Variants in RASGRP2 observed in about 807,000 individuals in gnomAD.
The protein encoded by RASGRP2 is RAS guanyl-releasing protein 2.
RASGRP2 carries 44 observed loss-of-function variants against 71.0 expected under a neutral mutation model. The ratio of observed to expected loss-of-function variants is 0.62; its 90% CI spans 0.49 to 0.80. RASGRP2 has a LOEUF of 0.80. Among genes scored for constraint, RASGRP2 ranks in the 30% least tolerant of loss-of-function variants. The pLI, the probability that RASGRP2 is intolerant of heterozygous loss-of-function variation, is 0.00. For synonymous variants in RASGRP2, 350 were observed against 330.7 expected (o/e 1.06, Z -0.63); for missense variants, 663 against 813.4 (o/e 0.82, Z 2.25).
chr11:64,736,725 C>G, intron 9 of RASGRP2, 28 bp downstream of exon 9: 1 of 1,557,418 alleles, frequency 6.4e-7, no homozygotes, highest in Non-Finnish European at 8.7e-7. Context: ...GTGCCCAGCT[C>G]CCCACCTCCC....
At chr11:64,732,477 G>A (rs1012764478) in intron 12 of RASGRP2, among the ~76,000 whole-genome samples, 3 of 151,614 alleles carry the variant, frequency 2.0e-5, no homozygotes, top group Admixed American at 1.3e-4. Flanking sequence ...TGCGCAACAT[G>A]GTGAAACCCC....
rs749149243 is a variant in RASGRP2, at chr11:64,739,518, T to G, written c.697-42A>C. ...GACGGAGAGGCAGGGAGTCACTGAGTGGGCCCAGAATTTGGCCCAGCTTAT... is the reference window on the plus strand; with the variant it reads ...GACGGAGAGGCAGGGAGTCACTGAGGGGGCCCAGAATTTGGCCCAGCTTAT... On this transcript the variant is annotated intron_variant, in intron 7 of 16. Coordinates refer to ENST00000394432, the MANE Select transcript of RASGRP2 (RefSeq NM_001098671.2). The surrounding 1 kb of genome is among the most constrained non-coding windows in gnomAD (Gnocchi z 4.2). 6.2e-7 allele frequency: 1 copy of G among 1,610,084 alleles called. No individual in the cohort carries two copies. The highest frequency in any genetic ancestry group is 8.5e-7 in the Non-Finnish European group (1 of 1,176,532).
chr11:64,727,469 C>T, intron 15 of RASGRP2, 109 bp from the exon 16 acceptor site: 2 of 959,338 alleles, frequency 2.1e-6, no homozygotes, highest in Non-Finnish European at 3.3e-6. Flanking sequence ...CAGACCCACC[C>T]ACCAAAAATC....
At position 64,742,110 on chromosome 11, in the gene RASGRP2, C is replaced by T; in HGVS notation, c.76G>A (p.Asp26Asn). 1.3e-6 allele frequency: 2 copies of T among 1,587,156 alleles called. No individual in the cohort carries two copies. Among genetic ancestry groups the T allele is most frequent in the Non-Finnish European group, 1.7e-6 (2 of 1,166,936 alleles). Reference sequence around the variant, plus strand: ...TGCGGGTCCCGCACCTTCCCGGAGTCATCTGACTCCGAAGGGTCAAAGACA... The same window carrying T: ...TGCGGGTCCCGCACCTTCCCGGAGTTATCTGACTCCGAAGGGTCAAAGACA... Reference protein sequence around the residue: ...LLRGCIEAFDDSGKVRDPQLV... With the variant: ...LLRGCIEAFDNSGKVRDPQLV... The change falls in exon 3 of 17, where the codon GAC becomes AAC. Residue 26 changes from aspartate (D) to asparagine (N), a missense_variant and splice_region_variant. Coordinates refer to ENST00000394432, the MANE Select transcript of RASGRP2 (RefSeq NM_001098671.2). This position sits in a 1 kb window ranked among gnomAD's most constrained non-coding sequence, Gnocchi z 4.7.
rs10897524 is a variant in RASGRP2, at chr11:64,735,891, G to A, written c.1173+12C>T. 196,659 of 1,609,534 alleles carry A rather than the reference G, an allele frequency of 0.12. 16,111 individuals carry two copies. Among genetic ancestry groups the A allele is most frequent in the East Asian group, 0.41 (18,261 of 44,794 alleles). ...GGAAGGGCAGAGTGGAGAGGAGGGA[G>A]TACCCCCTCACCGAGGACTTGGAGC... On this transcript the variant is annotated intron_variant, in intron 10 of 16. Coordinates refer to ENST00000394432, the MANE Select transcript of RASGRP2 (RefSeq NM_001098671.2). The surrounding 1 kb of genome is among the most constrained non-coding windows in gnomAD (Gnocchi z 4.2).
chr11:64,736,226 C>T (rs1462938423), intron 9 of RASGRP2, among the ~76,000 whole-genome samples: 3 of 152,174 alleles, frequency 2.0e-5, no homozygotes, highest in African/African-American at 4.8e-5. Flanking sequence ...GAAGCCAGGT[C>T]GGAACCCAGC....
At chr11:64,744,420 C>A (rs2058241036), upstream of RASGRP2, 1 of 540,302 alleles carries the variant, frequency 1.9e-6, no homozygotes, top group East Asian at 1.5e-4. Flanking sequence ...CCCCGCCTGG[C>A]TCTACCGCTT....
chr11:64,735,401 C>A lies in RASGRP2; in HGVS notation c.1296+141G>T. On this transcript the variant is annotated intron_variant, in intron 11 of 16. Transcript: ENST00000394432. This position sits in a 1 kb window ranked among gnomAD's most constrained non-coding sequence, Gnocchi z 4.2. ...ACCCTACCCAGGGGCACTTCAGCCCCGTGCAGCTGGCCTGCCAGGCCCTGT... is the reference window on the plus strand; with the variant it reads ...ACCCTACCCAGGGGCACTTCAGCCCAGTGCAGCTGGCCTGCCAGGCCCTGT... 1 of 1,500,440 alleles carries A rather than the reference C, an allele frequency of 6.7e-7. No individual in the cohort carries two copies. Among genetic ancestry groups the A allele is most frequent in the Non-Finnish European group, 9.2e-7 (1 of 1,085,984 alleles). The allele number at this position is 1,500,440 out of a possible 1,614,324, so 92.9% of individuals were successfully genotyped here.
rs2073797 is a variant in RASGRP2, at chr11:64,743,578, G to C, written c.-72+425C>G. On this transcript the variant is annotated intron_variant, in intron 1 of 16. Coordinates refer to ENST00000394432, the MANE Select transcript of RASGRP2 (RefSeq NM_001098671.2). This position sits in a 1 kb window ranked among gnomAD's most constrained non-coding sequence, Gnocchi z 4.9. ...GCCAGGAGGCGTCAGCGGGAAGCCT[G>C]AGCCTGGGAACTGAGCGCTCCCAGG... is the stretch of plus-strand genomic sequence containing the variant. 289,733 of 349,834 alleles carry C rather than the reference G, an allele frequency of 0.83. 123,300 individuals carry two copies. The highest frequency in any genetic ancestry group is 0.91 in the Middle Eastern group (2,340 of 2,560). 21.7% of individuals were successfully genotyped at this position (349,834 alleles called of 1,614,324 possible).
upstream of RASGRP2, chr11:64,744,257 C>T (rs940993508): frequency 7.3e-5 from 72 of 985,718 alleles, no homozygotes; most frequent in Non-Finnish European, 8.0e-5. Context: ...GGCCCCAGCT[C>T]CCTGACTCCC....
At chr11:64,730,009 G>C in intron 13 of RASGRP2, 44 bp downstream of exon 13, 1 of 1,541,150 alleles carries the variant, frequency 6.5e-7, no homozygotes, top group Non-Finnish European at 8.8e-7. Context: ...GGCCGGGGCT[G>C]GAGGGGCGTG....
rs202192382 is a variant in RASGRP2, at chr11:64,728,916, C to A, written c.1718G>T (p.Arg573Leu). Reference protein sequence around the residue: ...SPSPMHSHHHRAFSFSLPRPG... With the variant: ...SPSPMHSHHHLAFSFSLPRPG... Reference sequence around the variant, plus strand: ...GCGGGGCAGAGAGAAGCTGAAGGCGCGGTGATGGTGGCTGTGCATGGGTGA... The same window carrying A: ...GCGGGGCAGAGAGAAGCTGAAGGCGAGGTGATGGTGGCTGTGCATGGGTGA... Residue 573 changes from arginine (R) to leucine (L), a missense_variant, in exon 15 of 17, where the codon CGC (arginine) becomes CTC (leucine). By Grantham distance (102) the Arg-to-Leu change is moderately radical (BLOSUM62 -2). Coordinates refer to ENST00000394432, the MANE Select transcript of RASGRP2 (RefSeq NM_001098671.2). 624 of 1,613,184 alleles carry A rather than the reference C, an allele frequency of 3.9e-4. 2 individuals are homozygous for A. The highest frequency in any genetic ancestry group is 1.8e-4 in the Non-Finnish European group (209 of 1,179,978).
chr11:64,740,320 C>T, intron 5 of RASGRP2, 157 bp from the exon 6 acceptor site: 5 of 854,672 alleles, frequency 5.9e-6, no homozygotes, highest in Non-Finnish European at 9.8e-6. Context: ...TCCTCCTCAT[C>T]TCCCCCGACC....
In RASGRP2 at chr11:64,735,720, C is replaced by CG; in HGVS notation, c.1174-57dup. ...CAGAGGCAGGGGAAGCCCAGAGCCC[C>CG]GGGGAACAGAGAGGGGAATCCCTGG... On this transcript the variant is annotated intron_variant, in intron 10 of 16. Transcript: ENST00000394432. The surrounding 1 kb of genome is among the most constrained non-coding windows in gnomAD (Gnocchi z 4.2). The CG allele has an allele frequency of 1.3e-6, 2 of 1,572,506 alleles. No homozygotes were observed. The highest frequency in any genetic ancestry group is 1.7e-6 in the Non-Finnish European group (2 of 1,159,708).
chr11:64,741,411 G>A, intron 4 of RASGRP2, 28 bp downstream of exon 4: 1 of 1,515,190 alleles, frequency 6.6e-7, no homozygotes, highest in Non-Finnish European at 9.0e-7. Flanking sequence ...GAAAGGGGAG[G>A]GGCTAGAGCC....
chr11:64,728,772 G>C (rs2057659161), intron 15 of RASGRP2, 91 bp downstream of exon 15: 1 of 1,296,038 alleles, frequency 7.7e-7, no homozygotes, highest in African/African-American at 1.5e-5. Context: ...AGAGAATTAT[G>C]CACTTTGGAA....
chr11:64,744,385 T>C (rs890537606), upstream of RASGRP2: 11 of 932,834 alleles, frequency 1.2e-5, no homozygotes, highest in Admixed American at 5.5e-4. Context: ...CAGGCGGACT[T>C]TTCCTAAGAG....
intron 13 of RASGRP2, 68 bp from the exon 14 acceptor site, chr11:64,729,866 G>T: frequency 1.2e-6 from 2 of 1,600,364 alleles, no homozygotes; most frequent in South Asian, 1.1e-5. Context: ...CTTCCTTCTT[G>T]AGGGTGAGAC....
Position 64,742,833 on chromosome 11 carries a change from T to C in RASGRP2, c.34A>G (p.Thr12Ala), listed in dbSNP as rs776144756. 3 of 1,607,236 alleles carry C rather than the reference T, an allele frequency of 1.9e-6. No homozygotes were observed. The South Asian group carries it at 3.3e-5, about 18-fold the overall frequency. ...CACCCGCGGAGCAGCTCCTCCACCG[T>C]GCAGCCCTTGTCCAGGTCCAGGGTG... Reference protein sequence around the residue: ...AGTLDLDKGCTVEELLRGCIE... With the variant: ...AGTLDLDKGCAVEELLRGCIE... Residue 12 changes from threonine (T) to alanine (A), a missense_variant, in exon 2 of 17, where the codon ACG becomes GCG. By Grantham distance (58) the Thr-to-Ala change is moderately conservative. Coordinates refer to ENST00000394432, the MANE Select transcript of RASGRP2 (RefSeq NM_001098671.2). The surrounding 1 kb of genome is among the most constrained non-coding windows in gnomAD (Gnocchi z 4.7).
Sources: gnomAD v4.1 joint callset for allele counts (sites outside exome capture counted in the v4.1 genomes callset) on GRCh38, gnomAD v4.1.1 for gene constraint, Gnocchi (gnomAD v3.1) non-coding constraint, MANE v1.5 for transcripts, NCBI Gene and HGNC (gene_info 2026-07-23, HGNC 2026-07-21) for gene names.